The following STK17B variants were observed in gnomAD, a reference collection of about 807,000 sequenced individuals.
The protein encoded by STK17B is serine/threonine kinase 17b, also known as serine/threonine-protein kinase 17B.
A neutral mutation model predicts 42.0 loss-of-function variants in STK17B; 21 were observed. The observed-to-expected ratio is 0.50, with a 90% CI of 0.35 to 0.72. The LOEUF (loss-of-function observed/expected upper bound fraction) is 0.72. Among genes scored for constraint, STK17B ranks in the 30% least tolerant of loss-of-function variants. The pLI is 0.00. For missense variants in STK17B, 349 were observed against 446.0 expected (o/e 0.78, Z 1.96); for synonymous variants, 143 against 148.4 (o/e 0.96, Z 0.26).
At chr2:196,167,408 T>C (rs1464335815) in intron 1 of STK17B, among the ~76,000 whole-genome samples, 1 of 152,206 alleles carries the variant, frequency 6.6e-6, no homozygotes, top group Non-Finnish European at 1.5e-5. Flanking sequence ...AAAAAGAATT[T>C]GTAGGTATAT....
At chr2:196,169,120 AG>A (rs1559417637) in intron 1 of STK17B, among the ~76,000 whole-genome samples, 1 of 130,036 alleles carries the variant, frequency 7.7e-6, no homozygotes, top group African/African-American at 3.1e-5. Flanking sequence ...TCTGTTGCCC[AG>A]GCTGGAGTGC....
chr2:196,168,772 C>T (rs1699900322), intron 1 of STK17B, among the ~76,000 whole-genome samples: 2 of 152,176 alleles, frequency 1.3e-5, no homozygotes, highest in South Asian at 4.2e-4. Context: ...AATAAAAATA[C>T]ATGCTTGTAA....
At chr2:196,166,681 T>G (rs148526758) in intron 1 of STK17B, among the ~76,000 whole-genome samples, 2 of 152,112 alleles carry the variant, frequency 1.3e-5, no homozygotes, top group African/African-American at 2.4e-5. Context: ...CCAAAAGAAT[T>G]TGGAAGTAGA....
chr2:196,144,552 C>T (rs139072987), intron 4 of STK17B, among the ~76,000 whole-genome samples: 1 of 125,076 alleles, frequency 8.0e-6, no homozygotes, highest in Non-Finnish European at 1.7e-5. Context: ...CTCTGGGGAA[C>T]AGCACAAAAG....
intron 1 of STK17B, among the ~76,000 whole-genome samples, chr2:196,170,146 T>C (rs1419372696): frequency 6.6e-6 from 1 of 152,072 alleles, no homozygotes; most frequent in African/African-American, 2.4e-5. Context: ...CAGTTCACCA[T>C]AAAACTAAAA....
At chr2:196,147,227 T>C (rs572905126) in intron 3 of STK17B, among the ~76,000 whole-genome samples, 22 of 152,308 alleles carry the variant, frequency 1.4e-4, no homozygotes, top group South Asian at 2.1e-4. Flanking sequence ...TTTGATAAAA[T>C]AGTAACTCAC....
chr2:196,168,261 G>A (rs1433712566), intron 1 of STK17B, among the ~76,000 whole-genome samples: 1 of 152,144 alleles, frequency 6.6e-6, no homozygotes, highest in Non-Finnish European at 1.5e-5. Context: ...CTGACTCTGT[G>A]CCAAGACCCT....
rs66802894 is a variant in STK17B at position 196,135,777 on chromosome 2, CAAAAAAAAAA to C, written c.*1660_*1669del. The C allele has an allele frequency of 2.0e-5, 1 of 50,162 alleles. No homozygotes were observed. The highest frequency in any genetic ancestry group is 8.8e-5 in the African/African-American group (1 of 11,416). 3.1% of individuals were successfully genotyped at this position (50,162 alleles called of 1,614,324 possible). A position where few individuals can be genotyped will look rare whatever the true frequency, so the allele number is the denominator to read the frequency against. On this transcript the variant is annotated 3_prime_UTR_variant, in exon 8 of 8. Transcript: ENST00000263955. ...TGAGAGACAGAGCAAAACTCCATCT[CAAAAAAAAAA>C]AAAAAAAAAAAAAGCTCCTTTGGCA...
intron 2 of STK17B, among the ~76,000 whole-genome samples, chr2:196,161,513 T>TA (rs1699812265): frequency 7.6e-6 from 1 of 131,622 alleles, no homozygotes; most frequent in Non-Finnish European, 1.6e-5. Flanking sequence ...TTATAATTCT[T>TA]TTTTTTTTTT....
chr2:196,164,843 A>G (rs1295902451), intron 1 of STK17B, among the ~76,000 whole-genome samples: 2 of 152,174 alleles, frequency 1.3e-5, no homozygotes, highest in Non-Finnish European at 2.9e-5. Context: ...CTTTCACATA[A>G]CTAGATAGTA....
chr2:196,150,576 C>T (rs1270404031), intron 3 of STK17B, among the ~76,000 whole-genome samples: 1 of 152,100 alleles, frequency 6.6e-6, no homozygotes, highest in Non-Finnish European at 1.5e-5. Flanking sequence ...AGAATATTTT[C>T]CTATCAAAAA....
At position 196,169,890 on chromosome 2, in the gene STK17B, G is replaced by GA. The variant is rs59209981; in HGVS notation, c.-45+1442dup. On this transcript the variant is annotated intron_variant, in intron 1 of 7. Coordinates refer to ENST00000263955, the MANE Select transcript of STK17B (RefSeq NM_004226.4). Reference sequence around the variant, plus strand: ...ACCTCAATTTTGGATCCCTACTTTAGAAAAAAAAAAAGATCTAAAATGTAC... The same window carrying GA: ...ACCTCAATTTTGGATCCCTACTTTAGAAAAAAAAAAAAGATCTAAAATGTAC... Among the ~76,000 whole-genome samples, 334 of 140,106 alleles carry GA rather than the reference G, an allele frequency of 2.4e-3. 3 individuals carry two copies. Among genetic ancestry groups the GA allele is most frequent in the Middle Eastern group, 7.4e-3 (2 of 270 alleles). 91.9% of individuals were successfully genotyped at this position (140,106 alleles called of 152,430 possible). A position where few individuals can be genotyped will look rare whatever the true frequency, so the allele number is the denominator to read the frequency against.
At chr2:196,146,650 A>G (rs1392134694) in intron 3 of STK17B, among the ~76,000 whole-genome samples, 4 of 152,234 alleles carry the variant, frequency 2.6e-5, no homozygotes, top group Admixed American at 1.3e-4. Context: ...TAAAAATAGT[A>G]GCTCTTTGTG....
chr2:196,152,822 A>G (rs1699684100), intron 3 of STK17B, among the ~76,000 whole-genome samples: 1 of 152,352 alleles, frequency 6.6e-6, no homozygotes, highest in South Asian at 2.1e-4. Context: ...GAATGAATAA[A>G]TGTGGTTAGC....
At chr2:196,148,100 C>T (rs1553623764) in intron 3 of STK17B, among the ~76,000 whole-genome samples, 1 of 152,012 alleles carries the variant, frequency 6.6e-6, no homozygotes, top group Non-Finnish European at 1.5e-5. Flanking sequence ...GTGTAGTTTG[C>T]TATTAAATTT....
Position 196,139,772 on chromosome 2 carries a change from C to A in STK17B, c.684G>T (p.Leu228Phe). ...MWNIGIIAYM[L>F]LTHTSPFVGE... ...CCACAAATGGTGATGTGTGAGTTAA[C>A]AACATATATGCTATTATACCAATAT... The change falls in exon 7 of 8, where the codon TTG becomes TTT. Residue 228 changes from leucine to phenylalanine, a missense_variant. Coordinates refer to ENST00000263955, the MANE Select transcript of STK17B (RefSeq NM_004226.4). The A allele has an allele frequency of 1.4e-6, 2 of 1,430,982 alleles. No individual in the cohort carries two copies. The highest frequency in any genetic ancestry group is 1.8e-6 in the Non-Finnish European group (2 of 1,087,346). The allele number at this position is 1,430,982 out of a possible 1,614,324, so 88.6% of individuals were successfully genotyped here. A position where few individuals can be genotyped will look rare whatever the true frequency, so the allele number is the denominator to read the frequency against.
chr2:196,172,632 C>T (rs1361634206), upstream of STK17B, among the ~76,000 whole-genome samples: 1 of 152,102 alleles, frequency 6.6e-6, no homozygotes, highest in Non-Finnish European at 1.5e-5. Context: ...TGCATTTTCC[C>T]CAAGATAAAG....
chr2:196,172,967 G>A (rs1439781897), upstream of STK17B, among the ~76,000 whole-genome samples: 1 of 152,040 alleles, frequency 6.6e-6, no homozygotes. Context: ...ACCTCTTGGG[G>A]GTCACAGGAT....
At chr2:196,157,588 A>C (rs991782286) in intron 2 of STK17B, among the ~76,000 whole-genome samples, 2 of 152,228 alleles carry the variant, frequency 1.3e-5, no homozygotes, top group East Asian at 3.8e-4. Context: ...CAGATAACTA[A>C]GGTATATGTG....
Sources: allele counts gnomAD v4.1 joint callset (sites outside exome capture counted in the v4.1 genomes callset), GRCh38; gene constraint gnomAD v4.1.1; transcripts MANE v1.5; gene names NCBI Gene and HGNC (gene_info 2026-07-23, HGNC 2026-07-21).